NHSL1: variants seen among roughly 807,000 people sequenced by gnomAD.
NHSL1 encodes the protein NHS-like protein 1.
NHSL1 carries 48 observed loss-of-function variants against 95.0 expected under a neutral mutation model. The ratio of observed to expected loss-of-function variants is 0.51; its 90% CI spans 0.40 to 0.64. The LOEUF (loss-of-function observed/expected upper bound fraction) is 0.64. NHSL1 is among the 30% of genes least tolerant of loss of function. The pLI, the probability that NHSL1 is intolerant of heterozygous loss-of-function variation, is 0.00. For synonymous variants in NHSL1, 783 were observed against 833.9 expected (o/e 0.94, Z 1.05); for missense variants, 1,971 against 2,077.7 (o/e 0.95, Z 1.00).
intron 1 of NHSL1, among the ~76,000 whole-genome samples, chr6:138,659,338 T>C (rs1264274837): frequency 6.6e-6 from 1 of 152,086 alleles, no homozygotes; most frequent in Non-Finnish European, 1.5e-5. Flanking sequence ...GTGTGAGCCA[T>C]GGTGCCCAGC....
chr6:138,638,834 G>A (rs749694353), intron 1 of NHSL1, among the ~76,000 whole-genome samples: 5 of 152,176 alleles, frequency 3.3e-5, no homozygotes, highest in South Asian at 2.1e-4. Context: ...CAGGAAACTC[G>A]GCCAAGAATA....
chr6:138,645,596 C>G (rs1360632522), intron 1 of NHSL1, among the ~76,000 whole-genome samples: 1 of 151,668 alleles, frequency 6.6e-6, no homozygotes, highest in Non-Finnish European at 1.5e-5. Flanking sequence ...CAGCCCCCAC[C>G]TCCTAGGTTC....
chr6:138,491,527 G>C (rs745360455), intron 2 of NHSL1, among the ~76,000 whole-genome samples: 1 of 152,158 alleles, frequency 6.6e-6, no homozygotes, highest in East Asian at 1.9e-4. Context: ...GCCAGATTTA[G>C]GTTACTTATC....
chr6:138,559,724 A>G (rs1317689276), intron 1 of NHSL1, among the ~76,000 whole-genome samples: 1 of 152,256 alleles, frequency 6.6e-6, no homozygotes, highest in African/African-American at 2.4e-5. Context: ...AAGTCTACCG[A>G]AAGCACCATT....
In NHSL1 at chr6:138,436,666, T is replaced by C. The variant is rs369743892; in HGVS notation, c.665-2986A>G. On this transcript the variant is annotated intron_variant, in intron 5 of 7. Transcript: ENST00000343505. ...CAATGTAGATGAAACGACCTTCTAGTGGAAGATGTCATCTAGGACTTTCAA... is the reference window on the plus strand; with the variant it reads ...CAATGTAGATGAAACGACCTTCTAGCGGAAGATGTCATCTAGGACTTTCAA... 1.2e-3 allele frequency among the ~76,000 whole-genome samples: 180 copies of C among 152,348 alleles called. 1 individual carries two copies. In the South Asian group the frequency reaches 0.035, roughly 30 times the overall value.
rs375447812 is a variant in NHSL1 at position 138,431,428 on chromosome 6, G to T, written c.2917C>A (p.Pro973Thr). The change falls in exon 6 of 8, where the codon CCT becomes ACT. Residue 973 changes from proline (P) to threonine (T), a missense_variant. Physicochemically the swap from Pro to Thr is conservative, Grantham distance 38 (BLOSUM62 -1). Coordinates refer to ENST00000343505, the MANE Select transcript of NHSL1 (RefSeq NM_001144060.2). The surrounding 1 kb of genome is among the most constrained non-coding windows in gnomAD (Gnocchi z 4.0). ...GGAATGAGAGCTTCTGGCGGCGGAGGGGGGAACACAGGAGAGTGAGGCAGA... is the reference window on the plus strand; with the variant it reads ...GGAATGAGAGCTTCTGGCGGCGGAGTGGGGAACACAGGAGAGTGAGGCAGA... ...SPLPHSPVFP[P>T]PPPEALIPFC... 71 of 1,550,700 alleles carry T rather than the reference G, an allele frequency of 4.6e-5. No individual in the cohort carries two copies. The highest frequency in any genetic ancestry group is 5.9e-5 in the Non-Finnish European group (68 of 1,146,858).
At chr6:138,561,302 C>T (rs887889274) in intron 1 of NHSL1, among the ~76,000 whole-genome samples, 2 of 152,166 alleles carry the variant, frequency 1.3e-5, no homozygotes, top group Non-Finnish European at 2.9e-5. Context: ...CTTAGCTAAG[C>T]GGTGGCGGGT....
intron 1 of NHSL1, among the ~76,000 whole-genome samples, chr6:138,644,919 C>T (rs1045363168): frequency 3.9e-5 from 6 of 152,160 alleles, no homozygotes; most frequent in Non-Finnish European, 5.9e-5. Flanking sequence ...CTTTATCCTA[C>T]AGCTGATTTA....
chr6:138,486,745 A>G (rs946227424), intron 2 of NHSL1, among the ~76,000 whole-genome samples: 2 of 152,220 alleles, frequency 1.3e-5, no homozygotes, highest in Non-Finnish European at 2.9e-5. Flanking sequence ...TTGCAGTCCC[A>G]GTCACTGGAC....
chr6:138,511,423 TGA>T (rs925751861), intron 1 of NHSL1, among the ~76,000 whole-genome samples: 20 of 151,182 alleles, frequency 1.3e-4, no homozygotes, highest in Admixed American at 2.0e-4. Flanking sequence ...TGTGTGTGTG[TGA>T]GAGAGAGTGT....
intron 1 of NHSL1, among the ~76,000 whole-genome samples, chr6:138,669,022 C>T (rs1785330891): frequency 6.6e-6 from 1 of 152,104 alleles, no homozygotes; most frequent in Admixed American, 6.6e-5. Flanking sequence ...ATGAAGTCAC[C>T]ATCTCAGAGT....
At chr6:138,452,382 C>A (rs753800249) in intron 3 of NHSL1, among the ~76,000 whole-genome samples, 2 of 152,210 alleles carry the variant, frequency 1.3e-5, no homozygotes, top group African/African-American at 4.8e-5. Flanking sequence ...GAAATATGCT[C>A]TCTTTCTCAG....
intron 1 of NHSL1, among the ~76,000 whole-genome samples, chr6:138,600,481 G>A (rs1199136876): frequency 6.6e-6 from 1 of 152,154 alleles, no homozygotes; most frequent in Non-Finnish European, 1.5e-5. Flanking sequence ...AGGTTACTGA[G>A]TGAAAAAACC....
At chr6:138,479,991 A>T (rs1214621680) in intron 2 of NHSL1, among the ~76,000 whole-genome samples, 1 of 152,212 alleles carries the variant, frequency 6.6e-6, no homozygotes, top group Non-Finnish European at 1.5e-5. Flanking sequence ...CAGAAATTGA[A>T]TGCGAAGTGG....
chr6:138,527,702 G>T (rs942965848), intron 1 of NHSL1, among the ~76,000 whole-genome samples: 15 of 152,316 alleles, frequency 9.8e-5, no homozygotes, highest in Non-Finnish European at 1.6e-4. Context: ...ATACCAGTTA[G>T]ATTTTCAGAG....
intron 3 of NHSL1, among the ~76,000 whole-genome samples, chr6:138,452,295 C>T (rs898399177): frequency 5.3e-5 from 8 of 152,276 alleles, no homozygotes; most frequent in Non-Finnish European, 1.0e-4. Context: ...TAGGTTCTAC[C>T]CGGAAATCAG....
At chr6:138,578,780 G>A (rs1784008822) in intron 1 of NHSL1, among the ~76,000 whole-genome samples, 1 of 152,008 alleles carries the variant, frequency 6.6e-6, no homozygotes, top group Non-Finnish European at 1.5e-5. Flanking sequence ...GTCTGGGGAA[G>A]GGACTGCAAT....
chr6:138,611,917 CT>C (rs899512683), intron 1 of NHSL1, among the ~76,000 whole-genome samples: 15 of 151,818 alleles, frequency 9.9e-5, no homozygotes, highest in Non-Finnish European at 1.9e-4. Context: ...TGAGACCAGC[CT>C]GGTCAACATG....
intron 1 of NHSL1, among the ~76,000 whole-genome samples, chr6:138,506,040 C>A (rs1301404824): frequency 2.0e-5 from 3 of 152,142 alleles, no homozygotes; most frequent in Non-Finnish European, 2.9e-5. Flanking sequence ...GCTTTTCAGA[C>A]TCATTGAAAC....
Sources: allele counts gnomAD v4.1 joint callset (sites outside exome capture counted in the v4.1 genomes callset), GRCh38; gene constraint gnomAD v4.1.1; non-coding constraint Gnocchi (gnomAD v3.1); transcripts MANE v1.5; gene names NCBI Gene and HGNC (gene_info 2026-07-23, HGNC 2026-07-21).